The following XRN1 variants were observed in gnomAD, a reference collection of about 807,000 sequenced individuals.
XRN1 encodes the protein 5'-3' exoribonuclease 1.
XRN1 carries 67 observed loss-of-function variants against 222.3 expected under a neutral mutation model. That is an observed-to-expected ratio of 0.30 (90% confidence interval 0.25 to 0.37). The LOEUF is 0.37. Among genes scored for constraint, XRN1 ranks in the 10% least tolerant of loss-of-function variants. XRN1 has a pLI of 1.00. For missense variants in XRN1, 1,707 were observed against 2,000.2 expected, an observed-to-expected ratio of 0.85 and a Z score of 2.80; for synonymous variants, 643 against 652.4, an observed-to-expected ratio of 0.99 and a Z score of 0.22.
intron 37 of XRN1, 58 bp downstream of exon 37, chr3:142,329,376 A>G (rs927645854): frequency 8.1e-7 from 1 of 1,233,186 alleles, no homozygotes; most frequent in Non-Finnish European, 1.0e-6. Flanking sequence ...ATTTTCAACC[A>G]ATTTATTTAA....
chr3:142,433,594 T>A (rs1319614103), intron 1 of XRN1, among the ~76,000 whole-genome samples: 1 of 152,106 alleles, frequency 6.6e-6, no homozygotes, highest in East Asian at 1.9e-4. Context: ...GGAACAAAAA[T>A]TTTTTTAACT....
rs1245963203 is a variant in XRN1 at position 142,392,064 on chromosome 3, C to A, written c.2339+5265G>T. On this transcript the variant is annotated intron_variant, in intron 20 of 40. Transcript: ENST00000392981. ...TCCATTTTATCCTCAACTTCTACCT[C>A]CTTATCTGAAGGTTCCACCACTTCC... is the stretch of plus-strand genomic sequence containing the variant. Among the ~76,000 whole-genome samples the A allele has an allele frequency of 2.0e-5, 3 of 152,058 alleles. No individual in the cohort carries two copies. In the East Asian group the frequency reaches 5.8e-4, roughly 29 times the overall value.
chr3:142,434,611 A>G (rs11925693), intron 1 of XRN1, among the ~76,000 whole-genome samples: 91,463 of 151,040 alleles, frequency 0.61, 28,663 homozygotes, highest in African/African-American at 0.78. Context: ...AAAAAGAAGA[A>G]TAAGCTGGGT....
chr3:142,417,391 T>C (rs2068828676), intron 12 of XRN1, among the ~76,000 whole-genome samples, 162 bp from the exon 13 acceptor site: 1 of 152,216 alleles, frequency 6.6e-6, no homozygotes, highest in African/African-American at 2.4e-5. Context: ...TCCAAAATAT[T>C]TTTAAAAATT....
At chr3:142,422,243 G>A (rs1250355267) in intron 8 of XRN1, among the ~76,000 whole-genome samples, 1 of 152,120 alleles carries the variant, frequency 6.6e-6, no homozygotes, top group African/African-American at 2.4e-5. Context: ...GCAGAGGCAT[G>A]GGCATAGCTT....
intron 36 of XRN1, 25 bp from the exon 37 acceptor site, chr3:142,329,640 A>AG: frequency 1.3e-6 from 2 of 1,518,938 alleles, no homozygotes; most frequent in Admixed American, 2.6e-5. Flanking sequence ...AAAAGAGTCT[A>AG]TCTTTATTAA....
At chr3:142,390,878 G>A (rs2067686031) in intron 20 of XRN1, among the ~76,000 whole-genome samples, 1 of 152,038 alleles carries the variant, frequency 6.6e-6, no homozygotes, top group Admixed American at 6.6e-5. Flanking sequence ...GACATTGTAG[G>A]GCTACTAACT....
rs543633000 is a variant in XRN1, at chr3:142,378,650, TAAGATTGAACTAA to T, written c.2715+1419_2715+1431del. Among the ~76,000 whole-genome samples, 109 of 152,230 alleles carry T rather than the reference TAAGATTGAACTAA, an allele frequency of 7.2e-4. 1 individual carries two copies. The highest frequency in any genetic ancestry group is 2.5e-3 in the African/African-American group (103 of 41,542). Reference sequence around the variant, plus strand: ...ACTAAGAAGATCAATCCAGAAGGTCTAAGATTGAACTAAAAGGATTCCCAGAAATAGAAAGCAG... The same window carrying T: ...ACTAAGAAGATCAATCCAGAAGGTCTAAGGATTCCCAGAAATAGAAAGCAG... On this transcript the variant is annotated intron_variant, in intron 23 of 40. Transcript: ENST00000392981.
At chr3:142,363,079 A>G (rs1021465864) in intron 29 of XRN1, among the ~76,000 whole-genome samples, 2 of 152,054 alleles carry the variant, frequency 1.3e-5, no homozygotes, top group Non-Finnish European at 2.9e-5. Context: ...CAGGCTGGCA[A>G]TTTTCTTTCA....
intron 14 of XRN1, among the ~76,000 whole-genome samples, chr3:142,413,338 A>T (rs902225335): frequency 1.3e-5 from 2 of 152,174 alleles, no homozygotes. Flanking sequence ...GCTGGTTCAG[A>T]GTGGTTGGGT....
chr3:142,333,647 G>A (rs1365403796), intron 34 of XRN1, among the ~76,000 whole-genome samples: 1 of 152,110 alleles, frequency 6.6e-6, no homozygotes, highest in Non-Finnish European at 1.5e-5. Context: ...CTCCTAATGG[G>A]ATCATATTAG....
At chr3:142,394,529 T>C (rs2067857553) in intron 20 of XRN1, among the ~76,000 whole-genome samples, 2 of 152,196 alleles carry the variant, frequency 1.3e-5, no homozygotes, top group Non-Finnish European at 2.9e-5. Context: ...CCTCCAGCCA[T>C]CCTCAATAGC....
In XRN1 at chr3:142,404,927, G is replaced by A. The variant is rs138952992; in HGVS notation, c.1863C>T (p.Ala621=). The A allele has an allele frequency of 2.7e-5, 44 of 1,613,798 alleles. No individual in the cohort carries two copies. The African/African-American group carries it at 3.3e-4, about 12-fold the overall frequency. The stretch of plus-strand genomic sequence containing the variant: ...ATTACCTTGTACAACATCGTTCTAT[G>A]GCAGGGAACTTTTCTGGCCATGGAG... The part of the protein sequence containing the change: ...YPSPWPEKFP[A]IERCCTRYKI... The change falls in exon 16 of 41, where the codon GCC becomes GCT. Residue 621 remains alanine, a synonymous_variant. Transcript: ENST00000392981.
chr3:142,406,474 G>A (rs989046821), intron 15 of XRN1, among the ~76,000 whole-genome samples: 4 of 152,174 alleles, frequency 2.6e-5, no homozygotes, highest in Non-Finnish European at 5.9e-5. Flanking sequence ...TGCTGACATG[G>A]CTGAATTAAT....
chr3:142,377,992 T>C (rs1245561496), intron 23 of XRN1, among the ~76,000 whole-genome samples: 1 of 152,164 alleles, frequency 6.6e-6, no homozygotes, highest in Admixed American at 6.5e-5. Context: ...ATACATAAAG[T>C]TTCCTCATGG....
At chr3:142,440,391 G>A (rs188923721) in intron 1 of XRN1, among the ~76,000 whole-genome samples, 60 of 152,064 alleles carry the variant, frequency 3.9e-4, no homozygotes, top group Non-Finnish European at 6.0e-4. Context: ...AGGAACACCC[G>A]TTTGTTGTCC....
At chr3:142,375,737 A>G in intron 25 of XRN1, 61 bp downstream of exon 25, 1 of 1,477,014 alleles carries the variant, frequency 6.8e-7, no homozygotes, top group Non-Finnish European at 9.0e-7. Flanking sequence ...TCAGGAAGGC[A>G]AAATAAACAG....
chr3:142,361,132 A>G lies in XRN1; in HGVS notation c.3395-1201T>C, dbSNP rs542071898. 1.5e-4 allele frequency among the ~76,000 whole-genome samples: 23 copies of G among 152,356 alleles called. 1 individual carries two copies. The South Asian group carries it at 4.6e-3, about 30-fold the overall frequency. On this transcript the variant is annotated intron_variant, in intron 29 of 40. Coordinates refer to ENST00000392981, the MANE Select transcript of XRN1 (RefSeq NM_001282857.2). Reference sequence around the variant, plus strand: ...ATTTGTAGAATTTTATGTAAATGAAATAATATAATGTGTATTCCTCGTTTG... The same window carrying G: ...ATTTGTAGAATTTTATGTAAATGAAGTAATATAATGTGTATTCCTCGTTTG...
intron 32 of XRN1, among the ~76,000 whole-genome samples, 173 bp from the exon 33 acceptor site, chr3:142,347,515 T>C (rs1386157391): frequency 6.6e-6 from 1 of 152,156 alleles, no homozygotes; most frequent in African/African-American, 2.4e-5. Context: ...ACCAGACTCA[T>C]TAACATAATG....
Sources: allele counts gnomAD v4.1 joint callset (sites outside exome capture counted in the v4.1 genomes callset), GRCh38; gene constraint gnomAD v4.1.1; transcripts MANE v1.5; gene names NCBI Gene and HGNC (gene_info 2026-07-23, HGNC 2026-07-21).